The following TBC1D8B variants were observed in gnomAD, a reference collection of about 807,000 sequenced individuals.
TBC1D8B encodes TBC1 domain family member 8B.
TBC1D8B carries 75 observed loss-of-function variants against 82.9 expected under a neutral mutation model. The ratio of observed to expected loss-of-function variants is 0.90; its 90% CI spans 0.75 to 1.10. TBC1D8B has a LOEUF of 1.10. TBC1D8B is among the 50% of genes least tolerant of loss of function. The probability of loss-of-function intolerance (pLI) is 0.00; values close to 1 mark genes in which losing one functional copy is unlikely to be tolerated. For missense variants in TBC1D8B, 794 were observed against 796.9 expected (o/e 1.00, Z 0.04); for synonymous variants, 276 against 276.8 (o/e 1.00, Z 0.03).
rs771709860 is a variant in TBC1D8B, at chrX:106,820,967, TTA to T, written c.333_334del (p.Thr112Ter). On this transcript the variant is annotated frameshift_variant, in exon 3 of 21. Coordinates refer to ENST00000357242, the MANE Select transcript of TBC1D8B (RefSeq NM_017752.3). LOFTEE classifies it high-confidence loss of function. ...TCTGTATTTGATTCAAATGAAGATA[TTA>T]CTAATTTTGTACAAGGAAAAATAAG... 11 of 1,159,913 alleles carry T rather than the reference TTA, an allele frequency of 9.5e-6. No homozygotes were observed. The highest frequency in any genetic ancestry group is 1.3e-5 in the Non-Finnish European group (11 of 863,195).
chrX:106,840,194 T>C lies in TBC1D8B; in HGVS notation c.1500T>C (p.Phe500=), dbSNP rs757480145. The C allele has an allele frequency of 8.3e-7, 1 of 1,204,298 alleles. No homozygotes were observed. Among genetic ancestry groups the C allele is most frequent in the Admixed American group, 2.2e-5 (1 of 45,168 alleles). The stretch of plus-strand genomic sequence containing the variant: ...TAAGAGGAGAACTCTGGATGCTTTT[T>C]TCAGGTATTACGTTTATTCATTGTA... ...ETLRGELWML[F]SGAVNDMATN... The change falls in exon 9 of 21, where the codon TTT becomes TTC. Residue 500 remains phenylalanine, a synonymous_variant. Transcript: ENST00000357242.
Position 106,839,377 on chromosome X carries a change from G to C in TBC1D8B, c.1273G>C (p.Glu425Gln), listed in dbSNP as rs1819535360. 16 of 1,190,215 alleles carry C rather than the reference G, an allele frequency of 1.3e-5. No homozygotes were observed. The highest frequency in any genetic ancestry group is 1.8e-5 in the Non-Finnish European group (16 of 883,269). ...GGTGCAATCTTTGACAAGTCAGAGG[G>C]AATGCAGTAAAACTGTGAACACTGA... ...FEVQSLTSQR[E>Q]CSKTVNTEAL... The change falls in exon 8 of 21, where the codon GAA becomes CAA. Residue 425 changes from glutamate to glutamine, a missense_variant. By Grantham distance (29) the Glu-to-Gln change is conservative. Coordinates refer to ENST00000357242, the MANE Select transcript of TBC1D8B (RefSeq NM_017752.3).
chrX:106,856,352 T>C (rs903671723), intron 14 of TBC1D8B, among the ~76,000 whole-genome samples: 11 of 110,894 alleles, frequency 9.9e-5, no homozygotes, highest in African/African-American at 3.3e-4. Context: ...TTTCTTGAAG[T>C]CTTTCTCTTT....
rs1931871814 is a variant in TBC1D8B at position 106,827,154 on chromosome X, G to GT, written c.1036-11dup. The GT allele has an allele frequency of 1.7e-6, 2 of 1,200,768 alleles. No individual in the cohort carries two copies. Among genetic ancestry groups the GT allele is most frequent in the East Asian group, 3.0e-5 (1 of 33,633 alleles). ...AAAGGAAAATTTAATTGACCTCTATGTTTTTCACCCCCTAGGTCTTAGCTA... is the reference window on the plus strand; with the variant it reads ...AAAGGAAAATTTAATTGACCTCTATGTTTTTTCACCCCCTAGGTCTTAGCTA... On this transcript the variant is annotated splice_polypyrimidine_tract_variant and intron_variant, in intron 6 of 20. Transcript: ENST00000357242.
At chrX:106,836,037 A>C (rs1932167997) in intron 7 of TBC1D8B, among the ~76,000 whole-genome samples, 1 of 111,677 alleles carries the variant, frequency 9.0e-6, no homozygotes, top group Non-Finnish European at 1.9e-5. Flanking sequence ...GCAGCGCCCC[A>C]CTACCTGGTA....
At chrX:106,823,545 T>A in intron 5 of TBC1D8B, 79 bp downstream of exon 5, 1 of 1,068,923 alleles carries the variant, frequency 9.4e-7, no homozygotes, top group Non-Finnish European at 1.3e-6. Context: ...CCATTAAAAG[T>A]TAACTCTTCT....
Position 106,827,155 on chromosome X carries a change from T to G in TBC1D8B, c.1036-15T>G, listed in dbSNP as rs905643773. 9 of 1,199,214 alleles carry G rather than the reference T, an allele frequency of 7.5e-6. No individual in the cohort carries two copies. The Admixed American group carries it at 1.1e-4, about 15-fold the overall frequency. On this transcript the variant is annotated splice_polypyrimidine_tract_variant and intron_variant, in intron 6 of 20. Coordinates refer to ENST00000357242, the MANE Select transcript of TBC1D8B (RefSeq NM_017752.3). ...AAGGAAAATTTAATTGACCTCTATG[T>G]TTTTCACCCCCTAGGTCTTAGCTAT...
At chrX:106,810,091 A>G (rs1281577228) in intron 1 of TBC1D8B, among the ~76,000 whole-genome samples, 1 of 111,636 alleles carries the variant, frequency 9.0e-6, no homozygotes, top group Non-Finnish European at 1.9e-5. Context: ...CTGTCTTATA[A>G]AGTATGCTTA....
At chrX:106,827,368 G>A in intron 7 of TBC1D8B, 31 bp downstream of exon 7, 1 of 1,194,469 alleles carries the variant, frequency 8.4e-7, no homozygotes, top group South Asian at 1.8e-5. Flanking sequence ...CAAATCATTT[G>A]GAAAAAAAGG....
chrX:106,864,091 C>T (rs1483305483), intron 14 of TBC1D8B, among the ~76,000 whole-genome samples: 1 of 111,386 alleles, frequency 9.0e-6, no homozygotes, highest in East Asian at 2.9e-4. Flanking sequence ...TGGTCTGTTC[C>T]AGGATCCGAG....
rs1025911576 is a variant in TBC1D8B at position 106,827,323 on chromosome X, G to A, written c.1189G>A (p.Asp397Asn). The A allele has an allele frequency of 8.3e-7, 1 of 1,210,424 alleles. No homozygotes were observed. Among genetic ancestry groups the A allele is most frequent in the South Asian group, 1.8e-5 (1 of 56,893 alleles). ...RCGAASTQYH[D>N]ISTELAISSE... ...CGGAGCAGCTTCAACTCAATATCAT[G>A]ATATTAGCACAGAGGTAATTAATTA... Residue 397 changes from aspartate to asparagine, a missense_variant, in exon 7 of 21, where the codon GAT (aspartate) becomes AAT (asparagine). By Grantham distance (23) the Asp-to-Asn change is conservative. Coordinates refer to ENST00000357242, the MANE Select transcript of TBC1D8B (RefSeq NM_017752.3).
intron 14 of TBC1D8B, among the ~76,000 whole-genome samples, chrX:106,857,815 T>C (rs187838922): frequency 6.0e-4 from 68 of 112,816 alleles, no homozygotes; most frequent in African/African-American, 2.0e-3. Flanking sequence ...CAGTCTACTG[T>C]TGATGGGCAT....
At position 106,820,969 on chromosome X, in the gene TBC1D8B, A is replaced by G; in HGVS notation, c.334A>G (p.Thr112Ala). The change falls in exon 3 of 21, where the codon ACT (threonine) becomes GCT (alanine). Residue 112 changes from threonine (T) to alanine (A), a missense_variant. Coordinates refer to ENST00000357242, the MANE Select transcript of TBC1D8B (RefSeq NM_017752.3). ...LSVFDSNEDI[T>A]NFVQGKIRGL... ...TGTATTTGATTCAAATGAAGATATT[A>G]CTAATTTTGTACAAGGAAAAATAAG... 8.6e-7 allele frequency: 1 copy of G among 1,162,408 alleles called. No individual in the cohort carries two copies. The highest frequency in any genetic ancestry group is 1.2e-6 in the Non-Finnish European group (1 of 863,971).
At position 106,811,418 on chromosome X, in the gene TBC1D8B, C is replaced by T. The variant is rs149361801; in HGVS notation, c.131-7245C>T. 6.8e-3 allele frequency among the ~76,000 whole-genome samples: 755 copies of T among 111,202 alleles called. 10 individuals are homozygous for T. Among genetic ancestry groups the T allele is most frequent in the African/African-American group, 0.023 (711 of 30,487 alleles). On this transcript the variant is annotated intron_variant, in intron 1 of 20. Coordinates refer to ENST00000357242, the MANE Select transcript of TBC1D8B (RefSeq NM_017752.3). The stretch of plus-strand genomic sequence containing the variant: ...GTATGCGCCTGTAGTCCCAGCTACA[C>T]GGAAGGCTGGGGTGGGTGGGAGATC...
At chrX:106,870,321 G>A (rs771415032) in intron 19 of TBC1D8B, among the ~76,000 whole-genome samples, 27 of 112,417 alleles carry the variant, frequency 2.4e-4, no homozygotes, top group East Asian at 2.2e-3. Context: ...GTGAGCCACC[G>A]TGCCCAGCCC....
intron 10 of TBC1D8B, among the ~76,000 whole-genome samples, chrX:106,845,189 AT>A (rs1201801608): frequency 9.2e-6 from 1 of 109,240 alleles, no homozygotes; most frequent in African/African-American, 3.3e-5. Flanking sequence ...TTTTTGGAAA[AT>A]TTTTTTAGTT....
At chrX:106,838,583 A>G (rs1042079103) in intron 7 of TBC1D8B, among the ~76,000 whole-genome samples, 9 of 111,652 alleles carry the variant, frequency 8.1e-5, no homozygotes, top group African/African-American at 2.9e-4. Context: ...TAGATCCCCA[A>G]GAATATGTTG....
At chrX:106,850,469 T>C (rs1932564564) in intron 12 of TBC1D8B, among the ~76,000 whole-genome samples, 159 bp downstream of exon 12, 2 of 112,050 alleles carry the variant, frequency 1.8e-5, no homozygotes. Context: ...TCCAGTCCTC[T>C]ATCTCCAGAA....
At chrX:106,862,766 G>GTTTTTTTTTTTTT (rs199693098) in intron 14 of TBC1D8B, among the ~76,000 whole-genome samples, 3 of 35,801 alleles carry the variant, frequency 8.4e-5, no homozygotes, top group Non-Finnish European at 1.7e-4. Context: ...CTTTGGATGG[G>GTTTTTTTTTTTTT]TTTTTTTTTG....
Sources: allele counts gnomAD v4.1 joint callset (sites outside exome capture counted in the v4.1 genomes callset), GRCh38; gene constraint gnomAD v4.1.1; transcripts MANE v1.5; gene names NCBI Gene and HGNC (gene_info 2026-07-23, HGNC 2026-07-21).